Variants in SLC24A2 observed in about 807,000 individuals in gnomAD.
SLC24A2 encodes solute carrier family 24 member 2, also known as sodium/potassium/calcium exchanger 2.
In SLC24A2, 36 loss-of-function variants were observed where a neutral mutation model predicts 62.0. The ratio of observed to expected loss-of-function variants is 0.58; its 90% CI spans 0.44 to 0.77. The LOEUF (loss-of-function observed/expected upper bound fraction) is 0.77, where lower values mean the gene tolerates loss of function less well. Ranked by LOEUF, SLC24A2 falls within the 30% of genes least tolerant of loss-of-function variation. The pLI is 0.00. For missense variants in SLC24A2, 846 were observed against 817.9 expected, an observed-to-expected ratio of 1.03 and a Z score of -0.42; for synonymous variants, 358 against 294.0, an observed-to-expected ratio of 1.22 and a Z score of -2.23.
At chr9:19,592,931 C>T (rs1836600108) in intron 5 of SLC24A2, among the ~76,000 whole-genome samples, 1 of 152,166 alleles carries the variant, frequency 6.6e-6, no homozygotes, top group South Asian at 2.1e-4. Flanking sequence ...ATTTTTGTCC[C>T]TAGAAACATC....
chr9:19,920,123 G>C, the SLC24A2 span, among the ~76,000 whole-genome samples: 2 of 152,032 alleles, frequency 1.3e-5, no homozygotes, highest in African/African-American at 4.8e-5. Flanking sequence ...TGCAACATTT[G>C]ATATATTTCC....
At chr9:20,138,211 T>C in the SLC24A2 span, among the ~76,000 whole-genome samples, 1 of 152,196 alleles carries the variant, frequency 6.6e-6, no homozygotes, top group African/African-American at 2.4e-5. Flanking sequence ...CTAGGCTTCA[T>C]TTAGGATTTC....
At chr9:20,026,787 C>T in the SLC24A2 span, among the ~76,000 whole-genome samples, 1 of 152,020 alleles carries the variant, frequency 6.6e-6, no homozygotes, top group Non-Finnish European at 1.5e-5. Context: ...TGGATAAGAC[C>T]TTAAAAGCAC....
At chr9:19,525,765 GTT>G (rs71496823) in intron 9 of SLC24A2, among the ~76,000 whole-genome samples, 3,530 of 99,194 alleles carry the variant, frequency 0.036, 107 homozygotes, top group African/African-American at 0.11. Flanking sequence ...ACATGCTACT[GTT>G]TTTTTTTTTT....
At chr9:20,077,465 G>C in the SLC24A2 span, among the ~76,000 whole-genome samples, 1 of 152,038 alleles carries the variant, frequency 6.6e-6, no homozygotes, top group African/African-American at 2.4e-5. Flanking sequence ...AAAGTAGCTA[G>C]AATTCCAGAG....
the SLC24A2 span, among the ~76,000 whole-genome samples, chr9:20,160,920 C>T: frequency 1.3e-5 from 2 of 149,574 alleles, no homozygotes; most frequent in South Asian, 2.1e-4. Flanking sequence ...AAGCAGAAAA[C>T]CTATAGATTA....
chr9:19,593,011 T>A (rs1418336316), intron 5 of SLC24A2, among the ~76,000 whole-genome samples: 2 of 152,206 alleles, frequency 1.3e-5, no homozygotes, highest in Non-Finnish European at 2.9e-5. Context: ...AAATGTCTCA[T>A]TCAGAGAAGG....
the SLC24A2 span, among the ~76,000 whole-genome samples, chr9:20,259,857 G>C: frequency 2.0e-5 from 3 of 152,188 alleles, no homozygotes; most frequent in Non-Finnish European, 2.9e-5. Context: ...GGGAGACCAA[G>C]GTGGGAGGAC....
At chr9:20,154,707 G>A in the SLC24A2 span, among the ~76,000 whole-genome samples, 1 of 151,216 alleles carries the variant, frequency 6.6e-6, no homozygotes, top group South Asian at 2.1e-4. Context: ...CCATGTAACA[G>A]AATATAAGAT....
intron 7 of SLC24A2, among the ~76,000 whole-genome samples, chr9:19,561,516 C>A (rs1016344533): frequency 4.8e-5 from 7 of 145,882 alleles, no homozygotes; most frequent in African/African-American, 1.8e-4. Flanking sequence ...CTCACTGCAA[C>A]CTCCGCCTCC....
At chr9:20,298,481 G>A in the SLC24A2 span, among the ~76,000 whole-genome samples, 39 of 152,234 alleles carry the variant, frequency 2.6e-4, no homozygotes, top group African/African-American at 8.7e-4. Context: ...GGCCTGCCTC[G>A]GCCTCCCAAA....
chr9:19,558,136 T>G (rs1835189813), intron 7 of SLC24A2, among the ~76,000 whole-genome samples: 1 of 152,196 alleles, frequency 6.6e-6, no homozygotes, highest in Non-Finnish European at 1.5e-5. Flanking sequence ...AAGAAACATC[T>G]GAATGTTGTA....
intron 2 of SLC24A2, among the ~76,000 whole-genome samples, chr9:19,644,665 C>A (rs1818592390): frequency 1.3e-5 from 2 of 152,030 alleles, no homozygotes; most frequent in Admixed American, 1.3e-4. Context: ...CTCGCTTGAC[C>A]TTGGCTTATG....
the SLC24A2 span, among the ~76,000 whole-genome samples, chr9:19,963,963 T>C: frequency 6.6e-6 from 1 of 151,942 alleles, no homozygotes; most frequent in Non-Finnish European, 1.5e-5. Context: ...AGACTTGGAA[T>C]CCACCCAAAT....
chr9:19,619,975 G>T (rs1478986377), intron 3 of SLC24A2, among the ~76,000 whole-genome samples: 3 of 152,134 alleles, frequency 2.0e-5, no homozygotes, highest in Non-Finnish European at 4.4e-5. Flanking sequence ...TTTGCAAAAT[G>T]AACCCTATGA....
At chr9:20,062,574 G>C in the SLC24A2 span, among the ~76,000 whole-genome samples, 1 of 142,938 alleles carries the variant, frequency 7.0e-6, no homozygotes, top group African/African-American at 2.7e-5. Context: ...TCAGGACATA[G>C]GCATGGGCAA....
intron 2 of SLC24A2, among the ~76,000 whole-genome samples, chr9:19,708,178 C>A (rs1176894881): frequency 1.3e-5 from 2 of 151,956 alleles, no homozygotes; most frequent in East Asian, 3.9e-4. Context: ...GAATGAAATA[C>A]CTAGGAATCC....
intron 8 of SLC24A2, among the ~76,000 whole-genome samples, chr9:19,532,268 G>A (rs1027743183): frequency 6.6e-6 from 1 of 151,978 alleles, no homozygotes; most frequent in South Asian, 2.1e-4. Context: ...CTAATTTTTT[G>A]TATTTTTAGT....
the SLC24A2 span, among the ~76,000 whole-genome samples, chr9:20,129,319 T>C: frequency 1.3e-5 from 2 of 152,036 alleles, no homozygotes; most frequent in Non-Finnish European, 2.9e-5. Flanking sequence ...TATGGAGAAA[T>C]TAGAATCCTC....
Sources: gnomAD v4.1 joint callset for allele counts (sites outside exome capture counted in the v4.1 genomes callset) on GRCh38, gnomAD v4.1.1 for gene constraint, MANE v1.5 for transcripts, NCBI Gene and HGNC (gene_info 2026-07-23, HGNC 2026-07-21) for gene names.